CLSPN: variants seen among roughly 807,000 people sequenced by gnomAD.
CLSPN encodes the protein claspin homolog.
In CLSPN, 85 loss-of-function variants were observed where a neutral mutation model predicts 156.3. The ratio of observed to expected loss-of-function variants is 0.54; its 90% CI spans 0.46 to 0.65. The LOEUF is 0.65. Among genes scored for constraint, CLSPN ranks in the 30% least tolerant of loss-of-function variants. CLSPN has a pLI of 0.00. For missense variants in CLSPN, 1,407 were observed against 1,554.9 expected (o/e 0.90, Z 1.60); for synonymous variants, 534 against 542.4 (o/e 0.98, Z 0.22).
intron 24 of CLSPN, among the ~76,000 whole-genome samples, chr1:35,722,607 A>G (rs1432318219): frequency 6.6e-6 from 1 of 151,946 alleles, no homozygotes. Flanking sequence ...ATTCATTTAA[A>G]GGAAATCAGA....
Position 35,760,378 on chromosome 1 carries a change from C to T in CLSPN, c.1543G>A (p.Asp515Asn), listed in dbSNP as rs762360135. 2 of 1,613,876 alleles carry T rather than the reference C, an allele frequency of 1.2e-6. No individual in the cohort carries two copies. The highest frequency in any genetic ancestry group is 1.1e-5 in the South Asian group (1 of 91,044). Residue 515 changes from aspartate (D) to asparagine (N), a missense_variant, in exon 8 of 25, where the codon GAT (aspartate) becomes AAT (asparagine). Physicochemically the swap from Asp to Asn is conservative, Grantham distance 23. Transcript: ENST00000318121. ...TCAGGTTCAAGTATCACAAAGGAAT[C>T]TTCATCAGCACCTAGCCGTGGTTTA... ...SIKPRLGADE[D>N]SFVILEPETN...
At chr1:35,762,094 C>A in intron 5 of CLSPN, 24 bp from the exon 6 acceptor site, 2 of 1,490,340 alleles carry the variant, frequency 1.3e-6, no homozygotes, top group Admixed American at 1.7e-5. Context: ...AGAAGTGAGA[C>A]TACATTAATT....
intron 5 of CLSPN, 65 bp from the exon 6 acceptor site, chr1:35,762,135 C>A: frequency 8.1e-7 from 1 of 1,230,656 alleles, no homozygotes; most frequent in South Asian, 1.3e-5. Context: ...AGATATTCAT[C>A]ACTCAAGAGT....
chr1:35,763,021 T>G, intron 4 of CLSPN, 139 bp downstream of exon 4: 1 of 591,624 alleles, frequency 1.7e-6, no homozygotes, highest in Non-Finnish European at 2.6e-6. Flanking sequence ...TCTCCAAAAT[T>G]AACAGCTGAA....
At chr1:35,769,266 T>C (rs1359231241) in intron 1 of CLSPN, among the ~76,000 whole-genome samples, 3 of 152,126 alleles carry the variant, frequency 2.0e-5, no homozygotes, top group African/African-American at 7.2e-5. Flanking sequence ...TCTGGAAACA[T>C]CTGTTTTCTA....
chr1:35,724,722 G>A (rs1472520986), intron 24 of CLSPN, among the ~76,000 whole-genome samples: 1 of 152,188 alleles, frequency 6.6e-6, no homozygotes, highest in Non-Finnish European at 1.5e-5. Flanking sequence ...GGGCTCCCAA[G>A]ACCAGGCACA....
Position 35,749,623 on chromosome 1 carries a change from A to G in CLSPN, c.2207+10T>C. The G allele has an allele frequency of 6.2e-7, 1 of 1,613,736 alleles. No homozygotes were observed. Among genetic ancestry groups the G allele is most frequent in the Non-Finnish European group, 8.5e-7 (1 of 1,179,814 alleles). On this transcript the variant is annotated intron_variant, in intron 11 of 24. Transcript: ENST00000318121. The stretch of plus-strand genomic sequence containing the variant: ...GGCAATTTTAAGTTTTCTTAGAGAG[A>G]ATCACTTACCCCATCTTGGAAGAGC...
At position 35,743,252 on chromosome 1, in the gene CLSPN, A is replaced by T; in HGVS notation, c.3043-11T>A. The T allele has an allele frequency of 6.2e-7, 1 of 1,600,472 alleles. No homozygotes were observed. The highest frequency in any genetic ancestry group is 8.6e-7 in the Non-Finnish European group (1 of 1,167,976). ...GTCACTGTGTTCATCCTACAAAATC[A>T]GCATCATATCCAAATTAAGCAGAAT... On this transcript the variant is annotated splice_polypyrimidine_tract_variant and intron_variant, in intron 17 of 24. Coordinates refer to ENST00000318121, the MANE Select transcript of CLSPN (RefSeq NM_022111.4).
chr1:35,738,432 G>A, intron 21 of CLSPN, 23 bp downstream of exon 21: 3 of 1,612,080 alleles, frequency 1.9e-6, no homozygotes, highest in East Asian at 4.5e-5. Context: ...CATAAACTAG[G>A]GTCAGAGTAG....
chr1:35,762,011 C>G lies in CLSPN; in HGVS notation c.882G>C (p.Gln294His). 1 of 1,612,996 alleles carries G rather than the reference C, an allele frequency of 6.2e-7. No individual in the cohort carries two copies. The highest frequency in any genetic ancestry group is 8.5e-7 in the Non-Finnish European group (1 of 1,179,134). Residue 294 changes from glutamine (Q) to histidine (H), a missense_variant, in exon 6 of 25, where the codon CAG becomes CAC. Around this residue, in one of 3 missense-constraint regions of CLSPN, gnomAD observed 1,096 missense variants for 1,193.0 expected, o/e 0.92. Coordinates refer to ENST00000318121, the MANE Select transcript of CLSPN (RefSeq NM_022111.4). Reference protein sequence around the residue: ...EALKQLHSETQRLIRESALNL... With the variant: ...EALKQLHSETHRLIRESALNL... The stretch of plus-strand genomic sequence containing the variant: ...GGGTTGCATTACCTCGAATAAGGCG[C>G]TGAGTCTCACTATGCAGTTGTTTTA...
chr1:35,737,969 C>A, intron 22 of CLSPN, 23 bp downstream of exon 22: 2 of 1,337,546 alleles, frequency 1.5e-6, no homozygotes, highest in South Asian at 3.5e-5. Context: ...GGGGCTAGAC[C>A]CTAAGGAGAA....
Position 35,763,836 on chromosome 1 carries a change from C to T in CLSPN, c.582+430G>A, listed in dbSNP as rs530897481. 7.3e-5 allele frequency among the ~76,000 whole-genome samples: 11 copies of T among 151,282 alleles called. 1 individual carries two copies. The South Asian group carries it at 2.1e-3, about 29-fold the overall frequency. ...TGAGACAGGGTCTCACTCTGTCATC[C>T]AGGCTGGAATGCAGTGGTACAATTA... On this transcript the variant is annotated intron_variant, in intron 3 of 24. Coordinates refer to ENST00000318121, the MANE Select transcript of CLSPN (RefSeq NM_022111.4).
At chr1:35,759,891 T>C (rs1642414781) in intron 8 of CLSPN, among the ~76,000 whole-genome samples, 1 of 146,474 alleles carries the variant, frequency 6.8e-6, no homozygotes, top group Admixed American at 7.2e-5. Context: ...TGGAGTGCAA[T>C]GGTGCAGTCT....
intron 1 of CLSPN, among the ~76,000 whole-genome samples, chr1:35,767,676 C>T (rs1642719792): frequency 6.6e-6 from 1 of 152,182 alleles, no homozygotes; most frequent in Non-Finnish European, 1.5e-5. Context: ...CATGTTTAGA[C>T]TTGGGTCCCT....
intron 8 of CLSPN, among the ~76,000 whole-genome samples, chr1:35,755,126 C>T (rs965828515): frequency 6.6e-6 from 1 of 152,190 alleles, no homozygotes; most frequent in Non-Finnish European, 1.5e-5. Flanking sequence ...TGGAGTCTCG[C>T]TTTGTCGCCC....
At chr1:35,749,414 C>T (rs1642005208) in intron 12 of CLSPN, 53 bp downstream of exon 12, 2 of 1,567,650 alleles carry the variant, frequency 1.3e-6, no homozygotes, top group Non-Finnish European at 1.8e-6. Context: ...CCTTAAATAT[C>T]AAAGCTGAGG....
rs1408928438 is a variant in CLSPN at position 35,733,290 on chromosome 1, T to G, written c.*3206A>C. 1 of 217,472 alleles carries G rather than the reference T, an allele frequency of 4.6e-6. No individual in the cohort carries two copies. The highest frequency in any genetic ancestry group is 7.8e-6 in the Non-Finnish European group (1 of 128,194). The allele number at this position is 217,472 out of a possible 1,614,324, so 13.5% of individuals were successfully genotyped here. A position where few individuals can be genotyped will look rare whatever the true frequency, so the allele number is the denominator to read the frequency against. ...GCCCAGAAACCATTTTCTCCCTGGATTTCTCAGGCACTAATTTTCTTTTTT... is the reference window on the plus strand; with the variant it reads ...GCCCAGAAACCATTTTCTCCCTGGAGTTCTCAGGCACTAATTTTCTTTTTT... On this transcript the variant is annotated 3_prime_UTR_variant, in exon 25 of 25. Coordinates refer to ENST00000318121, the MANE Select transcript of CLSPN (RefSeq NM_022111.4).
intron 8 of CLSPN, among the ~76,000 whole-genome samples, chr1:35,758,801 C>CTTTTTTT (rs34271691): frequency 7.2e-6 from 1 of 138,310 alleles, no homozygotes; most frequent in Non-Finnish European, 1.5e-5. Context: ...TTTTCTTTTT[C>CTTTTTTT]TTTTTTTTTT....
intron 4 of CLSPN, among the ~76,000 whole-genome samples, chr1:35,762,838 T>G (rs1645874369): frequency 6.6e-6 from 1 of 152,170 alleles, no homozygotes; most frequent in African/African-American, 2.4e-5. Context: ...CCTATAGGGT[T>G]CATTTCTCAA....
Sources: allele counts gnomAD v4.1 joint callset (sites outside exome capture counted in the v4.1 genomes callset), GRCh38; gene constraint gnomAD v4.1.1; regional missense constraint gnomAD v4.1.1; transcripts MANE v1.5; gene names NCBI Gene and HGNC (gene_info 2026-07-23, HGNC 2026-07-21).